CABP5: variants seen among roughly 807,000 people sequenced by gnomAD.
CABP5 encodes calcium-binding protein 5.
CABP5 carries 17 observed loss-of-function variants against 21.9 expected under a neutral mutation model. That is an observed-to-expected ratio of 0.78 (90% CI 0.53 to 1.17). The LOEUF is 1.17. Ranked by LOEUF, CABP5 falls within the 50% of genes most tolerant of loss-of-function variation. CABP5 has a pLI of 0.00. For missense variants in CABP5, 229 were observed against 228.9 expected (o/e 1.00, Z 0.00); for synonymous variants, 85 against 79.4 (o/e 1.07, Z -0.37).
chr19:48,037,018 T>C (rs1414339500), intron 4 of CABP5, among the ~76,000 whole-genome samples: 4 of 152,168 alleles, frequency 2.6e-5, no homozygotes, highest in African/African-American at 9.7e-5. Flanking sequence ...ACAGCTATTA[T>C]GGAAAATGGT....
chr19:48,029,798 CAGAGAG>C lies in CABP5; in HGVS notation c.*753_*758del, dbSNP rs72005770. 4.9e-3 allele frequency among the ~76,000 whole-genome samples: 594 copies of C among 120,214 alleles called. No individual in the cohort carries two copies. The highest frequency in any genetic ancestry group is 6.5e-3 in the Admixed American group (73 of 11,266). 78.9% of individuals were successfully genotyped at this position (120,214 alleles called of 152,430 possible). On this transcript the variant is annotated 3_prime_UTR_variant, in exon 6 of 6. Coordinates refer to ENST00000293255, the MANE Select transcript of CABP5 (RefSeq NM_019855.5). The stretch of plus-strand genomic sequence containing the variant: ...GGGAGGGGAGACAGAGACAGACAGA[CAGAGAG>C]AGAGAGAGAGAGAGAGAGAGAGAGA...
chr19:48,038,656 G>A (rs1234024011), intron 4 of CABP5, among the ~76,000 whole-genome samples: 1 of 152,024 alleles, frequency 6.6e-6, no homozygotes, highest in Non-Finnish European at 1.5e-5. Flanking sequence ...GTGAAACCCC[G>A]TCTCTACGAA....
In CABP5 at chr19:48,029,838, A is replaced by AGAGAGAGAGAGAGAGAGAGAC. The variant is rs1967317498; in HGVS notation, c.*718_*719insGTCTCTCTCTCTCTCTCTCTC. ...AGAGAGAGAGAGAGAGAGAGAGAGA[A>AGAGAGAGAGAGAGAGAGAGAC]ACCAGACAGTGCTTCCAGGAAATCA... On this transcript the variant is annotated 3_prime_UTR_variant, in exon 6 of 6. Transcript: ENST00000293255. 1.5e-5 allele frequency: 1 copy of AGAGAGAGAGAGAGAGAGAGAC among 68,662 alleles called. No individual in the cohort carries two copies. 4.3% of individuals were successfully genotyped at this position (68,662 alleles called of 1,614,324 possible).
chr19:48,037,996 C>T (rs1185584731), intron 4 of CABP5, among the ~76,000 whole-genome samples: 1 of 152,186 alleles, frequency 6.6e-6, no homozygotes, highest in Non-Finnish European at 1.5e-5. Context: ...CTCACTGCAA[C>T]CTCTGCCTCC....
chr19:48,039,594 G>A (rs1416325626), intron 3 of CABP5, among the ~76,000 whole-genome samples: 1 of 147,574 alleles, frequency 6.8e-6, no homozygotes, highest in Non-Finnish European at 1.5e-5. Flanking sequence ...TGTACAAAGA[G>A]GAGCATGAAT....
chr19:48,037,118 T>C (rs1184977839), intron 4 of CABP5, among the ~76,000 whole-genome samples: 1 of 152,030 alleles, frequency 6.6e-6, no homozygotes, highest in Non-Finnish European at 1.5e-5. Flanking sequence ...TTGAAATCAG[T>C]ATATCAAAGG....
chr19:48,042,778 T>C (rs1967498561), intron 1 of CABP5, among the ~76,000 whole-genome samples: 1 of 152,104 alleles, frequency 6.6e-6, no homozygotes, highest in Non-Finnish European at 1.5e-5. Flanking sequence ...TTTCACCATC[T>C]TGGCCAGGCT....
At chr19:48,037,396 G>A (rs1468298409) in intron 4 of CABP5, among the ~76,000 whole-genome samples, 1 of 148,380 alleles carries the variant, frequency 6.7e-6, no homozygotes, top group Non-Finnish European at 1.5e-5. Context: ...AGCCTCCTGA[G>A]TACTTGGGAT....
At chr19:48,036,131 G>T (rs1242130453) in intron 4 of CABP5, among the ~76,000 whole-genome samples, 1 of 152,112 alleles carries the variant, frequency 6.6e-6, no homozygotes, top group East Asian at 1.9e-4. Context: ...AGACTTTCTG[G>T]TAGACTAGTT....
In CABP5 at chr19:48,030,182, CAGG is replaced by C. The variant is rs1967321222; in HGVS notation, c.*372_*374del. Reference sequence around the variant, plus strand: ...ACGTTCTGAACCTTTTGATACCCAACAGGAGAAGAGACTATTTTCACCCAAGGG... The same window carrying C: ...ACGTTCTGAACCTTTTGATACCCAACAGAAGAGACTATTTTCACCCAAGGG... On this transcript the variant is annotated 3_prime_UTR_variant, in exon 6 of 6. Coordinates refer to ENST00000293255, the MANE Select transcript of CABP5 (RefSeq NM_019855.5). The C allele has an allele frequency of 4.6e-6, 1 of 216,454 alleles. No homozygotes were observed. Among genetic ancestry groups the C allele is most frequent in the Non-Finnish European group, 9.0e-6 (1 of 110,996 alleles). The allele number at this position is 216,454 out of a possible 1,614,324, so 13.4% of individuals were successfully genotyped here. A position where few individuals can be genotyped will look rare whatever the true frequency, so the allele number is the denominator to read the frequency against.
At chr19:48,036,232 A>G (rs961393240) in intron 4 of CABP5, among the ~76,000 whole-genome samples, 2 of 152,146 alleles carry the variant, frequency 1.3e-5, no homozygotes, top group African/African-American at 4.8e-5. Context: ...AGTAGTGCCC[A>G]TGTGGAAGGC....
intron 5 of CABP5, 111 bp from the exon 6 acceptor site, chr19:48,030,693 T>C: frequency 1.0e-6 from 1 of 985,932 alleles, no homozygotes; most frequent in Non-Finnish European, 1.6e-6. Context: ...CCTGGGAAAT[T>C]ACTTAATCCC....
chr19:48,032,851 G>A (rs1354036298), intron 5 of CABP5, among the ~76,000 whole-genome samples: 5 of 151,926 alleles, frequency 3.3e-5, no homozygotes, highest in Non-Finnish European at 7.4e-5. Flanking sequence ...CCCTGGTCTC[G>A]AACTCCTGAC....
rs149818855 is a variant in CABP5, at chr19:48,043,416, G to T, written c.63+444C>A. The stretch of plus-strand genomic sequence containing the variant: ...ATGAAAGTCACTGACCTCATGAGTT[G>T]TTCTGAGGTGTAAATAACATCAGGT... On this transcript the variant is annotated intron_variant, in intron 1 of 5. Transcript: ENST00000293255. 4.4e-3 allele frequency among the ~76,000 whole-genome samples: 663 copies of T among 149,554 alleles called. 4 individuals carry two copies. Among genetic ancestry groups the T allele is most frequent in the African/African-American group, 0.015 (616 of 40,522 alleles).
At chr19:48,038,271 G>A (rs1280715043) in intron 4 of CABP5, among the ~76,000 whole-genome samples, 2 of 152,108 alleles carry the variant, frequency 1.3e-5, no homozygotes, top group East Asian at 3.9e-4. Flanking sequence ...ATAGGTGGAG[G>A]CCTCCTAGGA....
At chr19:48,032,334 CT>C (rs11384879) in intron 5 of CABP5, among the ~76,000 whole-genome samples, 16 of 144,220 alleles carry the variant, frequency 1.1e-4, no homozygotes, top group South Asian at 8.8e-4. Flanking sequence ...TAATTTTGGA[CT>C]TTTTTTTTTT....
intron 5 of CABP5, among the ~76,000 whole-genome samples, chr19:48,032,912 T>C (rs1202661464): frequency 6.6e-6 from 1 of 151,918 alleles, no homozygotes; most frequent in Non-Finnish European, 1.5e-5. Flanking sequence ...ATTACAGGCA[T>C]GAGCCACTGA....
intron 4 of CABP5, among the ~76,000 whole-genome samples, chr19:48,034,965 A>G (rs79405240): frequency 6.6e-6 from 1 of 152,176 alleles, no homozygotes; most frequent in East Asian, 1.9e-4. Context: ...GTCCTGAGCC[A>G]AAGTGCCCAG....
intron 5 of CABP5, among the ~76,000 whole-genome samples, chr19:48,032,216 G>A (rs1452676766): frequency 6.6e-6 from 1 of 152,086 alleles, no homozygotes; most frequent in African/African-American, 2.4e-5. Flanking sequence ...ACATAAAGCA[G>A]GCACCAAGTT....
Sources: gnomAD v4.1 joint callset for allele counts (sites outside exome capture counted in the v4.1 genomes callset) on GRCh38, gnomAD v4.1.1 for gene constraint, MANE v1.5 for transcripts, NCBI Gene and HGNC (gene_info 2026-07-23, HGNC 2026-07-21) for gene names.